The following NONO variants were observed in gnomAD, a reference collection of about 807,000 sequenced individuals.
NONO encodes non-POU domain containing octamer binding, also known as non-POU domain-containing octamer-binding protein.
NONO carries 6 observed loss-of-function variants against 40.2 expected under a neutral mutation model. The ratio of observed to expected loss-of-function variants is 0.15; its 90% CI spans 0.08 to 0.29. The LOEUF (loss-of-function observed/expected upper bound fraction) is 0.29, where lower values mean the gene tolerates loss of function less well. Among genes scored for constraint, NONO ranks in the 10% least tolerant of loss-of-function variants. The pLI, the probability that NONO is intolerant of heterozygous loss-of-function variation, is 1.00. For synonymous variants in NONO, 89 were observed against 123.3 expected (o/e 0.72, Z 1.85); for missense variants, 133 against 397.8 (o/e 0.33, Z 5.66).
chrX:71,286,075 T>G (rs1021092754), intron 2 of NONO, among the ~76,000 whole-genome samples: 3 of 112,165 alleles, frequency 2.7e-5, no homozygotes, highest in African/African-American at 9.7e-5. Flanking sequence ...ATATTTGTAT[T>G]TTTATTTATT....
chrX:71,294,592 T>G, intron 5 of NONO, 64 bp downstream of exon 5: 1 of 1,053,748 alleles, frequency 9.5e-7, no homozygotes, highest in Non-Finnish European at 1.3e-6. Flanking sequence ...GTCTGGAGAG[T>G]TAGCCTCTAG....
chrX:71,297,756 G>T (rs917210175), intron 8 of NONO, 80 bp from the exon 9 acceptor site: 2 of 740,759 alleles, frequency 2.7e-6, no homozygotes, highest in African/African-American at 4.2e-5. Context: ...CAGTAGGCCA[G>T]TCTCCTTGGT....
At chrX:71,295,770 G>A (rs2031432918) in intron 5 of NONO, among the ~76,000 whole-genome samples, 1 of 111,520 alleles carries the variant, frequency 9.0e-6, no homozygotes, top group Non-Finnish European at 1.9e-5. Flanking sequence ...TAGCCTGGGC[G>A]ACAGAGGAAG....
chrX:71,285,215 C>G (rs986313297), intron 2 of NONO: 1 of 112,362 alleles, frequency 8.9e-6, no homozygotes, highest in East Asian at 2.8e-4. Flanking sequence ...ACCTGGAACC[C>G]AAGTAGGAAA....
intron 2 of NONO, among the ~76,000 whole-genome samples, chrX:71,287,774 C>T (rs1254498212): frequency 2.7e-5 from 3 of 109,482 alleles, no homozygotes; most frequent in Non-Finnish European, 3.8e-5. Context: ...ACCTCCTCTT[C>T]GTGGGTTCAA....
chrX:71,292,029 AATAG>A (rs1343234923), intron 4 of NONO, 57 bp downstream of exon 4: 1 of 845,009 alleles, frequency 1.2e-6, no homozygotes, highest in African/African-American at 2.1e-5. Context: ...GCTGGAGAAT[AATAG>A]ATGTGCAAAA....
chrX:71,298,142 A>G, intron 9 of NONO: 1 of 435,216 alleles, frequency 2.3e-6, no homozygotes, highest in Non-Finnish European at 4.0e-6. Context: ...GGTCTGCTGT[A>G]TTCTGTTTAG....
At chrX:71,284,253 C>T (rs761378710) in intron 1 of NONO, 144 bp from the exon 2 acceptor site, 16 of 112,713 alleles carry the variant, frequency 1.4e-4, no homozygotes, top group Admixed American at 2.8e-4. Flanking sequence ...TTCTAAAGTC[C>T]TAACCGCCTA....
chrX:71,289,289 TTTTTA>T (rs1394309657), intron 2 of NONO, among the ~76,000 whole-genome samples: 1 of 111,421 alleles, frequency 9.0e-6, no homozygotes, highest in Non-Finnish European at 1.9e-5. Flanking sequence ...TTTTTAAAAT[TTTTTA>T]TTTTATTTTA....
chrX:71,300,410 T>C lies in NONO; in HGVS notation c.*334T>C, dbSNP rs193158545. 1,779 of 279,133 alleles carry C rather than the reference T, an allele frequency of 6.4e-3. 91 individuals are homozygous for C. In the Admixed American group the frequency reaches 0.1, roughly 16 times the overall value. 23.0% of individuals were successfully genotyped at this position (279,133 alleles called of 1,213,427 possible). ...CGGTTTTTTTTTTTTTTGTCCATCTTGTTTCATTTGCTTGCCCCGCCCCCG... is the reference window on the plus strand; with the variant it reads ...CGGTTTTTTTTTTTTTTGTCCATCTCGTTTCATTTGCTTGCCCCGCCCCCG... On this transcript the variant is annotated 3_prime_UTR_variant, in exon 12 of 12. Transcript: ENST00000276079.
chrX:71,286,323 TTTTA>T (rs1227084808), intron 2 of NONO, among the ~76,000 whole-genome samples: 1 of 111,137 alleles, frequency 9.0e-6, no homozygotes, highest in Non-Finnish European at 1.9e-5. Flanking sequence ...CCTCCCCCAT[TTTTA>T]TTTATTTTCC....
chrX:71,286,121 A>G (rs982327821), intron 2 of NONO, among the ~76,000 whole-genome samples: 10 of 111,722 alleles, frequency 9.0e-5, no homozygotes, highest in Non-Finnish European at 1.5e-4. Context: ...ACATTTTGTA[A>G]TAAGTATCTG....
chrX:71,288,885 T>A (rs936768937), intron 2 of NONO, among the ~76,000 whole-genome samples: 1 of 112,123 alleles, frequency 8.9e-6, no homozygotes, highest in African/African-American at 3.2e-5. Flanking sequence ...CAGAGTAATT[T>A]ACTAGTAAGT....
At chrX:71,286,845 C>G (rs1342677037) in intron 2 of NONO, among the ~76,000 whole-genome samples, 1 of 111,676 alleles carries the variant, frequency 9.0e-6, no homozygotes, top group Non-Finnish European at 1.9e-5. Flanking sequence ...AGTAGAATTT[C>G]CAAATTAAAG....
rs199694614 is a variant in NONO at position 71,296,968 on chromosome X, C to T, written c.864C>T (p.Asn288=). The change falls in exon 7 of 12, where the codon AAC becomes AAT. Residue 288 remains asparagine (N), a synonymous_variant. Transcript: ENST00000276079. ...EKQQQDQVDR[N]IKEAREKLEM... ...AGCAGCAGGACCAAGTGGACCGCAA[C>T]ATCAAGGAGGCTCGTGAGAAGCTGG... The T allele has an allele frequency of 1.4e-4, 168 of 1,208,183 alleles. No homozygotes were observed. Among genetic ancestry groups the T allele is most frequent in the African/African-American group, 1.8e-4 (10 of 57,111 alleles).
chrX:71,298,175 T>G (rs771216952), intron 9 of NONO: 10 of 433,612 alleles, frequency 2.3e-5, no homozygotes, highest in Non-Finnish European at 3.6e-5. Context: ...TAGGAAGAGA[T>G]ATGCAACCTT....
intron 4 of NONO, among the ~76,000 whole-genome samples, chrX:71,293,866 G>A (rs1034006298): frequency 3.6e-5 from 4 of 111,253 alleles, no homozygotes; most frequent in Non-Finnish European, 7.5e-5. Context: ...TCCTGACCTC[G>A]TTATCCACCC....
At position 71,300,271 on chromosome X, in the gene NONO, A is replaced by G. The variant is rs1028246479; in HGVS notation, c.*195A>G. 1.3e-5 allele frequency: 6 copies of G among 455,894 alleles called. No homozygotes were observed. Among genetic ancestry groups the G allele is most frequent in the African/African-American group, 1.2e-4 (5 of 40,629 alleles). The allele number at this position is 455,894 out of a possible 1,213,427, so 37.6% of individuals were successfully genotyped here. On this transcript the variant is annotated 3_prime_UTR_variant, in exon 12 of 12. Transcript: ENST00000276079. ...TAAACAAGTCAATTCTGTGTGGTAT[A>G]TTGTTTAATCAGTTCTGTGTGGTGC...
At chrX:71,297,588 G>C (rs1388482031) in intron 8 of NONO, 127 bp downstream of exon 8, 1 of 573,053 alleles carries the variant, frequency 1.7e-6, no homozygotes, top group Non-Finnish European at 2.8e-6. Flanking sequence ...TGCTTCTCAG[G>C]TTCTTTCTTT....
Sources: allele counts gnomAD v4.1 joint callset (sites outside exome capture counted in the v4.1 genomes callset), GRCh38; gene constraint gnomAD v4.1.1; transcripts MANE v1.5; gene names NCBI Gene and HGNC (gene_info 2026-07-23, HGNC 2026-07-21).